The following RHCE variants were observed in gnomAD, a reference collection of about 807,000 sequenced individuals.
RHCE encodes the protein Rh blood group CcEe antigens.
In RHCE, 22 loss-of-function variants were observed where a neutral mutation model predicts 43.8. The observed-to-expected ratio is 0.50, with a 90% CI of 0.36 to 0.72. The LOEUF is 0.72. Among genes scored for constraint, RHCE ranks in the 30% least tolerant of loss-of-function variants. The pLI, the probability that RHCE is intolerant of heterozygous loss-of-function variation, is 0.00. For synonymous variants in RHCE, 156 were observed against 210.7 expected, an observed-to-expected ratio of 0.74 and a Z score of 2.25; for missense variants, 385 against 525.4, an observed-to-expected ratio of 0.73 and a Z score of 2.61.
rs1395012563 is a variant in RHCE at position 25,392,073 on chromosome 1, C to A, written c.555G>T (p.Trp185Cys). 6.2e-7 allele frequency: 1 copy of A among 1,614,154 alleles called. No homozygotes were observed. Residue 185 changes from tryptophan (W) to cysteine (C), a missense_variant, in exon 4 of 10, where the codon TGG becomes TGT. Physicochemically the swap from Trp to Cys is radical, Grantham distance 215. Around this residue, in one of 6 missense-constraint regions of RHCE, gnomAD observed 110 missense variants for 103.4 expected, o/e 1.06. Transcript: ENST00000294413. ...CCTTGGGTAGAGGCTTTGGCAGGCA[C>A]CAGGCCACAGTCAGCCCAAAATAGG... ...FAAYFGLTVA[W>C]CLPKPLPKGT...
At chr1:25,376,070 C>T (rs1488330951) in intron 7 of RHCE, among the ~76,000 whole-genome samples, 1 of 152,078 alleles carries the variant, frequency 6.6e-6, no homozygotes, top group African/African-American at 2.4e-5. Context: ...GGATTACAGA[C>T]ATGAGCCACC....
chr1:25,429,444 C>G lies in RHCE; in HGVS notation c.-136-395G>C, dbSNP rs1024080952. ...CTGGGATTACAGGCGTGAGCCACCGCGCCCAGCCCTTCCTGGGAAGTTTTA... is the reference window on the plus strand; with the variant it reads ...CTGGGATTACAGGCGTGAGCCACCGGGCCCAGCCCTTCCTGGGAAGTTTTA... On this transcript the variant is annotated intron_variant, in intron 1 of 11. Coordinates refer to the RHCE transcript ENST00000349320. Among the ~76,000 whole-genome samples, 25 of 152,184 alleles carry G rather than the reference C, an allele frequency of 1.6e-4. No homozygotes were observed. The South Asian group carries it at 4.6e-3, about 28-fold the overall frequency.
At position 25,417,514 on chromosome 1, in the gene RHCE, C is replaced by T. The variant is rs635345; in HGVS notation, c.148+3125G>A. On this transcript the variant is annotated intron_variant, in intron 1 of 9. Transcript: ENST00000294413. ...GTCACATTCGAGATTTAAAAAATGT[C>T]GATCTAATCAGATCTGACAAGTCAA... Among the ~76,000 whole-genome samples the T allele has an allele frequency of 6.6e-3, 1,000 of 152,200 alleles. 7 individuals carry two copies. Among genetic ancestry groups the T allele is most frequent in the African/African-American group, 0.018 (753 of 41,518 alleles).
chr1:25,377,504 C>G (rs1645825140), intron 7 of RHCE, among the ~76,000 whole-genome samples: 1 of 151,938 alleles, frequency 6.6e-6, no homozygotes, highest in East Asian at 1.9e-4. Context: ...TGCAAAAATT[C>G]TTAAACAGGA....
At chr1:25,380,979 G>C (rs1645979291) in intron 7 of RHCE, among the ~76,000 whole-genome samples, 1 of 142,482 alleles carries the variant, frequency 7.0e-6, no homozygotes, top group South Asian at 2.2e-4. Context: ...TCGGCTCACT[G>C]CAAGCTCTGC....
At chr1:25,383,843 A>T (rs1017893434) in intron 7 of RHCE, among the ~76,000 whole-genome samples, 9 of 152,210 alleles carry the variant, frequency 5.9e-5, no homozygotes, top group Non-Finnish European at 2.9e-5. Flanking sequence ...CGTCTCCTTG[A>T]TAGCTTGAAC....
intron 3 of RHCE, among the ~76,000 whole-genome samples, chr1:25,394,901 G>C (rs1230546671): frequency 2.0e-5 from 3 of 151,572 alleles, no homozygotes; most frequent in Non-Finnish European, 4.4e-5. Context: ...CCTGGCTCTG[G>C]TTCCCCCGAG....
intron 5 of RHCE, 82 bp downstream of exon 5, chr1:25,390,667 G>C (rs1646329181): frequency 6.6e-7 from 1 of 1,504,474 alleles, no homozygotes; most frequent in African/African-American, 1.4e-5. Flanking sequence ...AACCCACGCT[G>C]GCCCTGGGGT....
chr1:25,386,106 C>T (rs183486285), intron 6 of RHCE, among the ~76,000 whole-genome samples: 42 of 152,284 alleles, frequency 2.8e-4, no homozygotes, highest in African/African-American at 6.3e-4. Context: ...TGCTCATCTA[C>T]GGACCACACT....
chr1:25,415,520 C>T (rs1361019741), intron 1 of RHCE, among the ~76,000 whole-genome samples: 7 of 152,018 alleles, frequency 4.6e-5, no homozygotes, highest in South Asian at 2.1e-4. Context: ...GGCGTGGTGG[C>T]GCATGCCTGT....
At chr1:25,406,231 G>A (rs1166506142) in intron 2 of RHCE, among the ~76,000 whole-genome samples, 10 of 59,538 alleles carry the variant, frequency 1.7e-4, no homozygotes, top group African/African-American at 5.3e-4. Context: ...GTGTGTATGC[G>A]GGCGTGCGTG....
intron 1 of RHCE, among the ~76,000 whole-genome samples, chr1:25,416,126 G>T (rs1199543213): frequency 1.3e-5 from 2 of 152,018 alleles, no homozygotes; most frequent in East Asian, 3.9e-4. Flanking sequence ...ACTTGCTCAG[G>T]ATGTCATACA....
Position 25,385,721 on chromosome 1 carries a change from C to T in RHCE, c.1063G>A (p.Gly355Ser), listed in dbSNP as rs1208361388. The stretch of plus-strand genomic sequence containing the variant: ...AGCCCAGTGACCCACATGCCATTGC[C>T]GTTCCAGACAGTATGAAGCACCAGC... Reference protein sequence around the residue: ...VLLVLHTVWNGNGMIGFQVLL... With the variant: ...VLLVLHTVWNSNGMIGFQVLL... Residue 355 changes from glycine (G) to serine (S), a missense_variant, in exon 7 of 10, where the codon GGC becomes AGC. Physicochemically the swap from Gly to Ser is moderately conservative, Grantham distance 56. Coordinates refer to ENST00000294413, the MANE Select transcript of RHCE (RefSeq NM_020485.8). 6.2e-6 allele frequency: 10 copies of T among 1,613,846 alleles called. No homozygotes were observed. Among genetic ancestry groups the T allele is most frequent in the African/African-American group, 2.7e-5 (2 of 74,834 alleles).
chr1:25,417,148 CAA>C (rs35379366), intron 1 of RHCE, among the ~76,000 whole-genome samples: 5 of 144,702 alleles, frequency 3.5e-5, no homozygotes, highest in East Asian at 2.0e-4. Flanking sequence ...AAAACAAAAA[CAA>C]AAAAAAAACC....
intron 9 of RHCE, among the ~76,000 whole-genome samples, chr1:25,369,778 A>G (rs112967993): frequency 0.073 from 9,109 of 124,194 alleles, 1,085 homozygotes; most frequent in African/African-American, 0.26. Context: ...AGCTCTTGTC[A>G]CCCAGGCTGG....
At chr1:25,391,609 A>T (rs2124427570) in intron 4 of RHCE, among the ~76,000 whole-genome samples, 1 of 152,172 alleles carries the variant, frequency 6.6e-6, no homozygotes, top group South Asian at 2.1e-4. Flanking sequence ...CAGCAGTCTA[A>T]GTTCATCATT....
Position 25,362,563 on chromosome 1 carries a change from C to T in RHCE, c.1228-10G>A, listed in dbSNP as rs752052778. 67 of 1,553,754 alleles carry T rather than the reference C, an allele frequency of 4.3e-5. No individual in the cohort carries two copies. The highest frequency in any genetic ancestry group is 6.9e-5 in the Admixed American group (4 of 58,022). ...CAGCCAAATGAGGAAACTGTAAAAG[C>T]AAAACAAACATTTTTATTGCAGATG... On this transcript the variant is annotated splice_polypyrimidine_tract_variant and intron_variant, in intron 9 of 9. Transcript: ENST00000294413.
At chr1:25,369,137 G>A (rs953689625) in intron 9 of RHCE, among the ~76,000 whole-genome samples, 1 of 151,816 alleles carries the variant, frequency 6.6e-6, no homozygotes, top group African/African-American at 2.4e-5. Flanking sequence ...GAAAGGAGAG[G>A]AAGGAGAAGG....
rs1415683919 is a variant in RHCE, at chr1:25,373,833, TTTC to T, written c.1153+1513_1153+1515del. 1.4e-5 allele frequency among the ~76,000 whole-genome samples: 2 copies of T among 146,020 alleles called. 1 individual carries two copies. Among genetic ancestry groups the T allele is most frequent in the African/African-American group, 5.0e-5 (2 of 39,856 alleles). On this transcript the variant is annotated intron_variant, in intron 8 of 9. Transcript: ENST00000294413. ...AGTTCTGGATGGAATGTATATTTTC[TTTC>T]TTTTTTTTTTTTTTGAGACAGTCTC...
Sources: gnomAD v4.1 joint callset for allele counts (sites outside exome capture counted in the v4.1 genomes callset) on GRCh38, gnomAD v4.1.1 for gene constraint, gnomAD v4.1.1 regional missense constraint, MANE v1.5 for transcripts, NCBI Gene and HGNC (gene_info 2026-07-23, HGNC 2026-07-21) for gene names.